The following C1S variants were observed in gnomAD, a reference collection of about 807,000 sequenced individuals.
C1S encodes complement C1s.
C1S carries 31 observed loss-of-function variants against 54.0 expected under a neutral mutation model. That is an observed-to-expected ratio of 0.57 (90% CI 0.43 to 0.78). The LOEUF is 0.78. Ranked by LOEUF, C1S falls within the 30% of genes least tolerant of loss-of-function variation. C1S has a pLI of 0.00. For missense variants in C1S, 727 were observed against 851.8 expected, an observed-to-expected ratio of 0.85 and a Z score of 1.82; for synonymous variants, 292 against 303.6, an observed-to-expected ratio of 0.96 and a Z score of 0.40.
intron 9 of C1S, 96 bp from the exon 10 acceptor site, chr12:7,067,547 T>TG: frequency 7.3e-7 from 1 of 1,372,658 alleles, no homozygotes; most frequent in East Asian, 2.3e-5. Context: ...CCTGTGGATA[T>TG]GGGGTGGGGA....
chr12:7,061,743 C>A (rs1435883369), intron 1 of C1S, 96 bp from the exon 2 acceptor site: 1 of 723,104 alleles, frequency 1.4e-6, no homozygotes, highest in Non-Finnish European at 2.5e-6. Context: ...GTGTGTTATA[C>A]CTTTGAAGGT....
At chr12:7,064,417 C>T (rs369910806) in intron 5 of C1S, 25 bp downstream of exon 5, 567 of 1,613,746 alleles carry the variant, frequency 3.5e-4, no homozygotes, top group Non-Finnish European at 4.5e-4. Context: ...AAGAGGGTTG[C>T]ATGTTCCCTG....
Position 7,062,063 on chromosome 12 carries a change from A to G in C1S, c.5+146A>G. The G allele has an allele frequency of 3.8e-6, 3 of 785,218 alleles. No individual in the cohort carries two copies. In the South Asian group the frequency reaches 4.3e-5, roughly 11 times the overall value. 48.6% of individuals were successfully genotyped at this position (785,218 alleles called of 1,614,324 possible). A position where few individuals can be genotyped will look rare whatever the true frequency, so the allele number is the denominator to read the frequency against. Reference sequence around the variant, plus strand: ...GGCGGGAGGATTGCTTGAGCCCAGGACTTTGAGACCAGCCTGGGCAACATA... The same window carrying G: ...GGCGGGAGGATTGCTTGAGCCCAGGGCTTTGAGACCAGCCTGGGCAACATA... On this transcript the variant is annotated intron_variant, in intron 2 of 11. Coordinates refer to ENST00000360817, the MANE Select transcript of C1S (RefSeq NM_001734.5).
intron 2 of C1S, chr12:7,062,270 CAAA>C (rs373096669): frequency 5.8e-3 from 2,554 of 437,502 alleles, no homozygotes; most frequent in Middle Eastern, 0.011. Flanking sequence ...GAACCTGTCT[CAAA>C]AAAAAAAAAA....
rs987580530 is a variant in C1S, at chr12:7,065,078, C to T, written c.518-22C>T. 2.5e-6 allele frequency: 4 copies of T among 1,589,426 alleles called. No individual in the cohort carries two copies. In the East Asian group the frequency reaches 8.9e-5, roughly 36 times the overall value. ...TTGCTTGACCCTGTATTTGATTCTCCCTTTCTCTTTTTCTCTGTTAGTTAA... is the reference window on the plus strand; with the variant it reads ...TTGCTTGACCCTGTATTTGATTCTCTCTTTCTCTTTTTCTCTGTTAGTTAA... On this transcript the variant is annotated intron_variant, in intron 5 of 11. Coordinates refer to ENST00000360817, the MANE Select transcript of C1S (RefSeq NM_001734.5).
chr12:7,064,979 G>A, intron 5 of C1S, 121 bp from the exon 6 acceptor site: 2 of 809,088 alleles, frequency 2.5e-6, no homozygotes, highest in Admixed American at 2.0e-5. Context: ...GTTAGGGCAG[G>A]GATCTCAGGT....
chr12:7,066,068 C>T, intron 7 of C1S, 98 bp downstream of exon 7: 1 of 1,118,634 alleles, frequency 8.9e-7, no homozygotes, highest in East Asian at 2.4e-5. Flanking sequence ...CTGGAAGCAC[C>T]TGTGATCTCA....
intron 10 of C1S, 21 bp downstream of exon 10, chr12:7,067,792 AAGAG>A: frequency 2.5e-6 from 4 of 1,603,162 alleles, no homozygotes; most frequent in Non-Finnish European, 3.4e-6. Flanking sequence ...TCTACTGGAG[AAGAG>A]AGAGAGAGAG....
chr12:7,067,415 C>A (rs1187837119), intron 9 of C1S: 7 of 684,022 alleles, frequency 1.0e-5, no homozygotes, highest in Non-Finnish European at 1.3e-5. Context: ...GAACCAGGCT[C>A]TTCACTACGG....
chr12:7,061,875 G>A lies in C1S; in HGVS notation c.-38G>A. On this transcript the variant is annotated 5_prime_UTR_variant, in exon 2 of 12. Transcript: ENST00000360817. Reference sequence around the variant, plus strand: ...CGGAGGTGCAGAAAGCCAGGACCAAGAGACAGGCAGCTCACCAGGGTGGAC... The same window carrying A: ...CGGAGGTGCAGAAAGCCAGGACCAAAAGACAGGCAGCTCACCAGGGTGGAC... 21 of 1,613,880 alleles carry A rather than the reference G, an allele frequency of 1.3e-5. No homozygotes were observed. The highest frequency in any genetic ancestry group is 1.7e-5 in the Non-Finnish European group (20 of 1,179,818).
At chr12:7,065,669 C>T in intron 6 of C1S, 148 bp from the exon 7 acceptor site, 1 of 755,944 alleles carries the variant, frequency 1.3e-6, no homozygotes, top group Non-Finnish European at 2.3e-6. Flanking sequence ...TGCACTCAGC[C>T]TGAAGATAAA....
Position 7,067,374 on chromosome 12 carries a change from T to C in C1S, c.1066+257T>C, listed in dbSNP as rs782299920. 1.5e-4 allele frequency: 94 copies of C among 626,794 alleles called. No homozygotes were observed. In the Admixed American group the frequency reaches 2.1e-3, roughly 14 times the overall value. The allele number at this position is 626,794 out of a possible 1,614,324, so 38.8% of individuals were successfully genotyped here. On this transcript the variant is annotated intron_variant, in intron 9 of 11. Transcript: ENST00000360817. ...TAGTAGCCCCACGTGGGTGCATTTG[T>C]GGCTTCCACTGGGCCTTCACCAACC... is the stretch of plus-strand genomic sequence containing the variant.
intron 2 of C1S, 187 bp from the exon 3 acceptor site, chr12:7,062,286 AGG>A: frequency 1.8e-6 from 1 of 563,170 alleles, no homozygotes; most frequent in Non-Finnish European, 3.2e-6. Flanking sequence ...AAAAAAAAAA[AGG>A]GCTCTTGTCT....
chr12:7,066,799 C>T, intron 8 of C1S, 166 bp downstream of exon 8: 1 of 710,414 alleles, frequency 1.4e-6, no homozygotes, highest in South Asian at 1.5e-5. Flanking sequence ...AGTCATGGAG[C>T]TGCCTGGCCA....
chr12:7,069,666 C>T lies in C1S; in HGVS notation c.1271-189C>T, dbSNP rs760152245. On this transcript the variant is annotated intron_variant, in intron 11 of 11. Coordinates refer to ENST00000360817, the MANE Select transcript of C1S (RefSeq NM_001734.5). Reference sequence around the variant, plus strand: ...TCTCCCATGAGCCAGCTTATGACATCGGCAAAGCGGGATGTTTAGGTAAGG... The same window carrying T: ...TCTCCCATGAGCCAGCTTATGACATTGGCAAAGCGGGATGTTTAGGTAAGG... 1.7e-4 allele frequency among the ~76,000 whole-genome samples: 26 copies of T among 149,618 alleles called. 1 individual carries two copies. The highest frequency in any genetic ancestry group is 6.4e-4 in the African/African-American group (26 of 40,636).
rs782275336 is a variant in C1S, at chr12:7,065,834, G to A, written c.735G>A (p.Arg245=). The part of the protein sequence containing the change: ...LDSLVFVAGD[R]QFGPYCGHGF... ...TTGTTCAGTTTGTTGCAGGAGATCG[G>A]CAATTTGGTCCTTACTGTGGTCATG... is the stretch of plus-strand genomic sequence containing the variant. The change falls in exon 7 of 12, where the codon CGG becomes CGA. Residue 245 remains arginine, a synonymous_variant. Coordinates refer to ENST00000360817, the MANE Select transcript of C1S (RefSeq NM_001734.5). The A allele has an allele frequency of 1.4e-5, 22 of 1,612,582 alleles. No homozygotes were observed. Among genetic ancestry groups the A allele is most frequent in the Non-Finnish European group, 1.9e-5 (22 of 1,179,786 alleles).
At chr12:7,061,020 C>T (rs1483297333) in intron 1 of C1S, 143 bp downstream of exon 1, 2 of 152,282 alleles carry the variant, frequency 1.3e-5, no homozygotes, top group African/African-American at 4.8e-5. Flanking sequence ...ACCTATTTCT[C>T]TTAGGCTCAC....
At chr12:7,066,737 T>A in intron 8 of C1S, 104 bp downstream of exon 8, 1 of 774,144 alleles carries the variant, frequency 1.3e-6, no homozygotes, top group Non-Finnish European at 2.4e-6. Flanking sequence ...GATCAAGGTA[T>A]AACACCTTTC....
In C1S at chr12:7,068,450, T is replaced by C. The variant is rs1303718199; in HGVS notation, c.1196-6T>C. 6.2e-7 allele frequency: 1 copy of C among 1,609,046 alleles called. No homozygotes were observed. Among genetic ancestry groups the C allele is most frequent in the Admixed American group, 1.7e-5 (1 of 59,996 alleles). On this transcript the variant is annotated splice_region_variant and splice_polypyrimidine_tract_variant and intron_variant, in intron 10 of 11. Transcript: ENST00000360817. ...AGTGTGGCCTGTGTTCTCTGTGCTA[T>C]TCCAGGGGAGTATCACTGTGCTGGT...
Sources: allele counts gnomAD v4.1 joint callset (sites outside exome capture counted in the v4.1 genomes callset), GRCh38; gene constraint gnomAD v4.1.1; transcripts MANE v1.5; gene names NCBI Gene and HGNC (gene_info 2026-07-23, HGNC 2026-07-21).